Variants in IGF2BP2 observed in about 807,000 individuals in gnomAD.
IGF2BP2 encodes insulin-like growth factor 2 mRNA-binding protein 2.
A neutral mutation model predicts 75.8 loss-of-function variants in IGF2BP2; 17 were observed. The ratio of observed to expected loss-of-function variants is 0.22; its 90% CI spans 0.15 to 0.34. The LOEUF is 0.34. Ranked by LOEUF, IGF2BP2 falls within the 10% of genes least tolerant of loss-of-function variation. IGF2BP2 has a pLI of 1.00. For synonymous variants in IGF2BP2, 288 were observed against 295.6 expected (o/e 0.97, Z 0.26); for missense variants, 516 against 772.4 (o/e 0.67, Z 3.93).
chr3:185,689,762 A>G (rs1271668955), intron 5 of IGF2BP2, 135 bp from the exon 6 acceptor site: 1 of 909,628 alleles, frequency 1.1e-6, no homozygotes, highest in African/African-American at 1.7e-5. Context: ...AGGTCAGGAG[A>G]TCGAGACCAT....
chr3:185,681,589 G>C (rs1720394435), intron 7 of IGF2BP2, among the ~76,000 whole-genome samples: 1 of 152,154 alleles, frequency 6.6e-6, no homozygotes, highest in African/African-American at 2.4e-5. Context: ...AATTCATATG[G>C]AATCTCAAGG....
chr3:185,744,906 C>T (rs959718402), intron 2 of IGF2BP2, among the ~76,000 whole-genome samples: 1 of 152,182 alleles, frequency 6.6e-6, no homozygotes, highest in Non-Finnish European at 1.5e-5. Flanking sequence ...TTCAACACTG[C>T]TTAATAAAGA....
intron 2 of IGF2BP2, among the ~76,000 whole-genome samples, chr3:185,784,540 TAC>T (rs1735619479): frequency 6.6e-6 from 1 of 152,208 alleles, no homozygotes; most frequent in South Asian, 2.1e-4. Flanking sequence ...TCTGAGCAGC[TAC>T]AGAGCTGGGT....
intron 12 of IGF2BP2, among the ~76,000 whole-genome samples, chr3:185,653,251 A>G (rs1360085171): frequency 2.6e-5 from 4 of 152,078 alleles, no homozygotes; most frequent in Non-Finnish European, 5.9e-5. Context: ...CTGCTTTATT[A>G]AAAAAAACTT....
At chr3:185,757,609 T>G (rs1731805995) in intron 2 of IGF2BP2, among the ~76,000 whole-genome samples, 1 of 151,964 alleles carries the variant, frequency 6.6e-6, no homozygotes, top group Non-Finnish European at 1.5e-5. Context: ...GGACTACAGG[T>G]GTGTGCCACC....
In IGF2BP2 at chr3:185,657,313, CA is replaced by C; in HGVS notation, c.1358del (p.Leu453ArgfsTer44). 6.2e-7 allele frequency: 1 copy of C among 1,613,932 alleles called. No individual in the cohort carries two copies. The highest frequency in any genetic ancestry group is 8.5e-7 in the Non-Finnish European group (1 of 1,179,920). ...IGKKGAHIKQ[L>X]ARFAGASIKI... The stretch of plus-strand genomic sequence containing the variant: ...TGATAGAGGCTCCGGCGAATCTCGC[CA>C]GCTGTTTGATGTGTGCCCCCTTCTT... On this transcript the variant is annotated frameshift_variant, in exon 12 of 16. Coordinates refer to ENST00000382199, the MANE Select transcript of IGF2BP2 (RefSeq NM_006548.6).
chr3:185,701,380 A>G (rs893810059), intron 2 of IGF2BP2, among the ~76,000 whole-genome samples: 22 of 150,776 alleles, frequency 1.5e-4, no homozygotes, highest in South Asian at 2.1e-4. Context: ...AAAAAAAAAA[A>G]AAAGAAAGAA....
At position 185,689,582 on chromosome 3, in the gene IGF2BP2, G is replaced by C. The variant is rs780675243; in HGVS notation, c.450C>G (p.Phe150Leu). Reference sequence around the variant, plus strand: ...CTTCATCCGGGATGTAGGAAATCTTGAAGGAGTAGTTCTCAAACTGATGCC... The same window carrying C: ...CTTCATCCGGGATGTAGGAAATCTTCAAGGAGTAGTTCTCAAACTGATGCC... Reference protein sequence around the residue: ...LSGHQFENYSFKISYIPDEEV... With the variant: ...LSGHQFENYSLKISYIPDEEV... The change falls in exon 6 of 16, where the codon TTC becomes TTG. Residue 150 changes from phenylalanine (F) to leucine (L), a missense_variant. Transcript: ENST00000382199. 3.1e-6 allele frequency: 5 copies of C among 1,614,194 alleles called. No homozygotes were observed. The East Asian group carries it at 8.9e-5, about 29-fold the overall frequency.
intron 2 of IGF2BP2, among the ~76,000 whole-genome samples, chr3:185,773,818 T>C (rs1382825833): frequency 3.9e-5 from 6 of 152,218 alleles, no homozygotes; most frequent in Non-Finnish European, 8.8e-5. Context: ...TCAATTTTAC[T>C]TGCAGTCTGA....
intron 1 of IGF2BP2, among the ~76,000 whole-genome samples, chr3:185,823,690 C>G (rs1350100722): frequency 2.6e-5 from 4 of 152,010 alleles, no homozygotes; most frequent in Admixed American, 6.5e-5. Context: ...CAGCCCTGTC[C>G]CTGCCCGCTC....
chr3:185,652,236 G>A, intron 12 of IGF2BP2, 68 bp from the exon 13 acceptor site: 16 of 1,362,972 alleles, frequency 1.2e-5, no homozygotes, highest in Non-Finnish European at 1.6e-5. Flanking sequence ...TCTTGTCTAA[G>A]TGGACGGCAA....
At chr3:185,720,454 C>T (rs542399780) in intron 2 of IGF2BP2, among the ~76,000 whole-genome samples, 98 of 152,284 alleles carry the variant, frequency 6.4e-4, no homozygotes, top group African/African-American at 2.3e-3. Flanking sequence ...GGAGCCACCG[C>T]GCCCGGCCCC....
At position 185,645,741 on chromosome 3, in the gene IGF2BP2, G is replaced by T; in HGVS notation, c.1708-118C>A. ...GATGAAGGGTGGAATGCTCAGACAA[G>T]CATCATCTACCCACCCCCGCACGTT... is the stretch of plus-strand genomic sequence containing the variant. On this transcript the variant is annotated intron_variant, in intron 15 of 15. Coordinates refer to ENST00000382199, the MANE Select transcript of IGF2BP2 (RefSeq NM_006548.6). This position sits in a 1 kb window ranked among gnomAD's most constrained non-coding sequence, Gnocchi z 4.9. 1.4e-6 allele frequency: 1 copy of T among 730,890 alleles called. No homozygotes were observed. The highest frequency in any genetic ancestry group is 2.4e-6 in the Non-Finnish European group (1 of 409,782). The allele number at this position is 730,890 out of a possible 1,614,324, so 45.3% of individuals were successfully genotyped here. A position where few individuals can be genotyped will look rare whatever the true frequency, so the allele number is the denominator to read the frequency against.
intron 2 of IGF2BP2, among the ~76,000 whole-genome samples, chr3:185,796,448 A>G (rs1336675801): frequency 1.3e-5 from 2 of 151,818 alleles, no homozygotes; most frequent in South Asian, 2.1e-4. Flanking sequence ...CTGTAATCCC[A>G]GCTACTCAGG....
At chr3:185,715,955 A>C (rs899684858) in intron 2 of IGF2BP2, among the ~76,000 whole-genome samples, 1 of 151,986 alleles carries the variant, frequency 6.6e-6, no homozygotes, top group Admixed American at 6.6e-5. Context: ...CTGATTCCTC[A>C]CTTCTTTTTG....
rs372154923 is a variant in IGF2BP2 at position 185,709,642 on chromosome 3, G to A, written c.240-11295C>T. On this transcript the variant is annotated intron_variant, in intron 2 of 15. Coordinates refer to ENST00000382199, the MANE Select transcript of IGF2BP2 (RefSeq NM_006548.6). ...ACAGATGTTGATCTTATTCATGATC[G>A]TCATGGTGATGAAGGAAAATTAAAT... Among the ~76,000 whole-genome samples, 5 of 152,314 alleles carry A rather than the reference G, an allele frequency of 3.3e-5. No individual in the cohort carries two copies. In the East Asian group the frequency reaches 5.8e-4, roughly 18 times the overall value.
intron 10 of IGF2BP2, among the ~76,000 whole-genome samples, chr3:185,663,794 TTACAATGATTGATTTGCATATGTCA>T: frequency 6.6e-6 from 1 of 152,230 alleles, no homozygotes; most frequent in Non-Finnish European, 1.5e-5. Context: ...ATATGATGTA[TTACAATGATTGATTTGCATATGTCA>T]AACCATCCTT....
At chr3:185,755,760 C>A (rs903241138) in intron 2 of IGF2BP2, among the ~76,000 whole-genome samples, 2 of 152,190 alleles carry the variant, frequency 1.3e-5, no homozygotes, top group African/African-American at 4.8e-5. Context: ...GGCAATTTCT[C>A]CCTTTTGGAA....
intron 10 of IGF2BP2, 112 bp from the exon 11 acceptor site, chr3:185,658,521 T>A: frequency 1.2e-6 from 1 of 832,664 alleles, no homozygotes; most frequent in Admixed American, 2.3e-5. Context: ...ATCAGCTGGC[T>A]CCACTGTCGT....
Sources: gnomAD v4.1 joint callset for allele counts (sites outside exome capture counted in the v4.1 genomes callset) on GRCh38, gnomAD v4.1.1 for gene constraint, Gnocchi (gnomAD v3.1) non-coding constraint, MANE v1.5 for transcripts, NCBI Gene and HGNC (gene_info 2026-07-23, HGNC 2026-07-21) for gene names.